PPM1L: variants seen among roughly 807,000 people sequenced by gnomAD.
PPM1L encodes protein phosphatase, Mg2+/Mn2+ dependent 1L, also known as protein phosphatase 1L.
A neutral mutation model predicts 31.4 loss-of-function variants in PPM1L; 13 were observed. That is an observed-to-expected ratio of 0.41 (90% CI 0.27 to 0.66). The LOEUF is 0.66. Ranked by LOEUF, PPM1L falls within the 30% of genes least tolerant of loss-of-function variation. The pLI, the probability that PPM1L is intolerant of heterozygous loss-of-function variation, is 0.29. For synonymous variants in PPM1L, 184 were observed against 175.4 expected, an observed-to-expected ratio of 1.05 and a Z score of -0.39; for missense variants, 326 against 453.7, an observed-to-expected ratio of 0.72 and a Z score of 2.56.
intron 1 of PPM1L, among the ~76,000 whole-genome samples, chr3:160,774,341 A>G (rs1386011252): frequency 6.6e-6 from 1 of 152,024 alleles, no homozygotes; most frequent in East Asian, 1.9e-4. Flanking sequence ...CCACCATGCT[A>G]ATTCAGGCTT....
intron 1 of PPM1L, among the ~76,000 whole-genome samples, chr3:160,941,514 C>T (rs868830637): frequency 1.3e-5 from 2 of 152,262 alleles, no homozygotes; most frequent in African/African-American, 4.8e-5. Flanking sequence ...GTGAATAAGT[C>T]TCACGAGACC....
At chr3:161,039,192 T>C (rs1718837307) in intron 2 of PPM1L, among the ~76,000 whole-genome samples, 1 of 152,222 alleles carries the variant, frequency 6.6e-6, no homozygotes, top group African/African-American at 2.4e-5. Context: ...TTTACTTTCT[T>C]AATAAACTGG....
intron 2 of PPM1L, among the ~76,000 whole-genome samples, chr3:161,048,972 C>T (rs139047254): frequency 0.043 from 6,518 of 150,676 alleles, 207 homozygotes; most frequent in Middle Eastern, 0.1. Flanking sequence ...TGAGATATAC[C>T]TAATGTAAAT....
chr3:160,842,147 G>A, intron 1 of PPM1L: 1 of 650,250 alleles, frequency 1.5e-6, no homozygotes, highest in Non-Finnish European at 2.8e-6. Flanking sequence ...GATTTTGTGT[G>A]CGTGCATCCT....
intron 2 of PPM1L, among the ~76,000 whole-genome samples, chr3:160,996,320 C>T (rs1290126992): frequency 3.9e-5 from 6 of 152,070 alleles, no homozygotes; most frequent in South Asian, 2.1e-4. Context: ...AGTCATTATA[C>T]GAAAAAGATA....
chr3:160,819,293 T>C (rs1379825644), intron 1 of PPM1L, among the ~76,000 whole-genome samples: 1 of 152,084 alleles, frequency 6.6e-6, no homozygotes, highest in Non-Finnish European at 1.5e-5. Flanking sequence ...TCATTTAATA[T>C]AACATAAGAA....
chr3:161,002,185 G>A (rs557673127), intron 2 of PPM1L, among the ~76,000 whole-genome samples: 180 of 152,188 alleles, frequency 1.2e-3, no homozygotes, highest in African/African-American at 1.5e-3. Flanking sequence ...TTTTATGGCC[G>A]CATAGTATTC....
intron 1 of PPM1L, among the ~76,000 whole-genome samples, chr3:160,804,873 G>A (rs1257169932): frequency 3.3e-5 from 5 of 152,220 alleles, no homozygotes; most frequent in Admixed American, 2.0e-4. Context: ...AGCCCCTATA[G>A]TACTGATGAC....
chr3:160,862,656 G>GCACGCA (rs1711935376), intron 1 of PPM1L, among the ~76,000 whole-genome samples: 1 of 82,234 alleles, frequency 1.2e-5, no homozygotes, highest in African/African-American at 4.5e-5. Flanking sequence ...CTAATCCTAG[G>GCACGCA]CACACGCACA....
Position 160,944,865 on chromosome 3 carries a change from A to AACATATGTTATATAT in PPM1L, c.400-16870_400-16869insCATATGTTATATATA, listed in dbSNP as rs1553748208. Among the ~76,000 whole-genome samples the AACATATGTTATATAT allele has an allele frequency of 3.1e-3, 127 of 40,994 alleles. 18 individuals are homozygous for AACATATGTTATATAT. The highest frequency in any genetic ancestry group is 8.5e-3 in the African/African-American group (120 of 14,054). 26.9% of individuals were successfully genotyped at this position (40,994 alleles called of 152,430 possible). Reference sequence around the variant, plus strand: ...GTTATATATAACATATATTATATATAATGTTATATATAACATATATATTAT... The same window carrying AACATATGTTATATAT: ...GTTATATATAACATATATTATATATAACATATGTTATATATATGTTATATATAACATATATATTAT... On this transcript the variant is annotated intron_variant, in intron 1 of 3. Coordinates refer to ENST00000498165, the MANE Select transcript of PPM1L (RefSeq NM_139245.4).
At chr3:160,978,757 G>C (rs576271736) in intron 2 of PPM1L, among the ~76,000 whole-genome samples, 2 of 152,278 alleles carry the variant, frequency 1.3e-5, no homozygotes, top group East Asian at 3.9e-4. Flanking sequence ...TTGAGCCCAG[G>C]AAGTTGAGGT....
chr3:160,895,571 T>C (rs1713309725), intron 1 of PPM1L, among the ~76,000 whole-genome samples: 1 of 152,158 alleles, frequency 6.6e-6, no homozygotes, highest in Admixed American at 6.5e-5. Context: ...TTTTTCATGA[T>C]AGATAGAATG....
intron 1 of PPM1L, among the ~76,000 whole-genome samples, chr3:160,935,858 C>T (rs2108082922): frequency 6.6e-6 from 1 of 152,296 alleles, no homozygotes; most frequent in South Asian, 2.1e-4. Flanking sequence ...ATCAGAAAAA[C>T]ATCTGAACAA....
At chr3:161,006,374 T>C (rs1717704322) in intron 2 of PPM1L, among the ~76,000 whole-genome samples, 1 of 152,154 alleles carries the variant, frequency 6.6e-6, no homozygotes, top group Non-Finnish European at 1.5e-5. Flanking sequence ...GCAGTTGTTG[T>C]TTGATGGGGA....
At chr3:160,806,304 T>A (rs1712599415) in intron 1 of PPM1L, among the ~76,000 whole-genome samples, 1 of 152,108 alleles carries the variant, frequency 6.6e-6, no homozygotes, top group Non-Finnish European at 1.5e-5. Context: ...CCCAGCCTGA[T>A]CATAGTGCTT....
chr3:161,039,139 C>T (rs537143923), intron 2 of PPM1L, among the ~76,000 whole-genome samples: 1 of 152,304 alleles, frequency 6.6e-6, no homozygotes, highest in South Asian at 2.1e-4. Context: ...AACCAGCAGC[C>T]CTTGGGGCTG....
intron 1 of PPM1L, among the ~76,000 whole-genome samples, chr3:160,768,002 G>A (rs1357486890): frequency 6.6e-6 from 1 of 152,160 alleles, no homozygotes; most frequent in Non-Finnish European, 1.5e-5. Flanking sequence ...TTGAGACATG[G>A]TGGGATCTTT....
chr3:161,002,295 C>T (rs1717518293), intron 2 of PPM1L, among the ~76,000 whole-genome samples: 1 of 152,176 alleles, frequency 6.6e-6, no homozygotes, highest in African/African-American at 2.4e-5. Flanking sequence ...CCACAATAAA[C>T]ATATATGTGC....
intron 1 of PPM1L, among the ~76,000 whole-genome samples, chr3:160,838,395 C>T (rs1713779061): frequency 6.6e-6 from 1 of 151,986 alleles, no homozygotes; most frequent in African/African-American, 2.4e-5. Context: ...GAGTGATGGG[C>T]AGTAGAGGTG....
Sources: allele counts gnomAD v4.1 joint callset (sites outside exome capture counted in the v4.1 genomes callset), GRCh38; gene constraint gnomAD v4.1.1; transcripts MANE v1.5; gene names NCBI Gene and HGNC (gene_info 2026-07-23, HGNC 2026-07-21).